The following FSTL5 variants were observed in gnomAD, a reference collection of about 807,000 sequenced individuals.
The protein encoded by FSTL5 is follistatin like 5.
FSTL5 carries 62 observed loss-of-function variants against 89.1 expected under a neutral mutation model. The observed-to-expected ratio is 0.70, with a 90% CI of 0.57 to 0.86. The LOEUF is 0.86. FSTL5 is among the 40% of genes least tolerant of loss of function. The pLI is 0.00. For missense variants in FSTL5, 1,057 were observed against 1,001.6 expected, an observed-to-expected ratio of 1.06 and a Z score of -0.75; for synonymous variants, 383 against 346.2, an observed-to-expected ratio of 1.11 and a Z score of -1.18.
At chr4:161,672,932 T>G (rs1054241724) in intron 6 of FSTL5, among the ~76,000 whole-genome samples, 1 of 152,020 alleles carries the variant, frequency 6.6e-6, no homozygotes. Context: ...ATAATTTTTT[T>G]AAAATATCAC....
At chr4:161,981,435 T>C (rs1437754258) in intron 3 of FSTL5, among the ~76,000 whole-genome samples, 1 of 152,210 alleles carries the variant, frequency 6.6e-6, no homozygotes, top group Admixed American at 6.5e-5. Context: ...TTTTTTGATA[T>C]GCTGCAACCA....
At chr4:161,499,611 C>T (rs1284881533) in intron 12 of FSTL5, among the ~76,000 whole-genome samples, 1 of 152,110 alleles carries the variant, frequency 6.6e-6, no homozygotes, top group East Asian at 1.9e-4. Context: ...AGTGGTTTTA[C>T]ATTTATAAAG....
chr4:161,921,100 G>A (rs934576177), intron 3 of FSTL5, among the ~76,000 whole-genome samples: 2 of 152,102 alleles, frequency 1.3e-5, no homozygotes, highest in Non-Finnish European at 2.9e-5. Flanking sequence ...CACATCCTTG[G>A]CACATGATAG....
intron 2 of FSTL5, among the ~76,000 whole-genome samples, chr4:162,073,632 A>C (rs1478528220): frequency 2.0e-5 from 3 of 151,816 alleles, no homozygotes; most frequent in Non-Finnish European, 4.4e-5. Context: ...AAGTATAAAA[A>C]ATATCTATTG....
At position 161,384,972 on chromosome 4, in the gene FSTL5, C is replaced by T. The variant is rs574929873; in HGVS notation, c.*775G>A. On this transcript the variant is annotated 3_prime_UTR_variant, in exon 16 of 16. Transcript: ENST00000306100. ...ACTTGCATTAAAAACATAATGCACT[C>T]TAGTGATTGAAAGCAAAATGAGTAG... 8.5e-5 allele frequency: 13 copies of T among 152,202 alleles called. No individual in the cohort carries two copies. The East Asian group carries it at 2.3e-3, about 27-fold the overall frequency. The allele number at this position is 152,202 out of a possible 1,614,324, so 9.4% of individuals were successfully genotyped here.
chr4:161,902,765 C>T (rs554989676), intron 4 of FSTL5, among the ~76,000 whole-genome samples: 4 of 152,172 alleles, frequency 2.6e-5, no homozygotes, highest in Non-Finnish European at 5.9e-5. Flanking sequence ...AGGAGAATGG[C>T]GTGAACCCGG....
At chr4:161,964,665 A>G (rs1735273451) in intron 3 of FSTL5, among the ~76,000 whole-genome samples, 2 of 151,998 alleles carry the variant, frequency 1.3e-5, no homozygotes, top group African/African-American at 4.8e-5. Flanking sequence ...TCTTTCATGA[A>G]AACAGGTCGT....
intron 4 of FSTL5, among the ~76,000 whole-genome samples, chr4:161,840,169 A>C (rs1334450526): frequency 6.6e-6 from 1 of 152,014 alleles, no homozygotes; most frequent in Non-Finnish European, 1.5e-5. Flanking sequence ...TTTGGCAGAT[A>C]TGGCTGATCT....
At chr4:161,511,020 G>A (rs1396302416) in intron 10 of FSTL5, among the ~76,000 whole-genome samples, 23 of 151,918 alleles carry the variant, frequency 1.5e-4, no homozygotes, top group Admixed American at 1.5e-3. Context: ...TGAACCACAG[G>A]TTTTAAAAAT....
At chr4:161,461,292 AAAAACAAACAAAC>A (rs1733566740) in intron 13 of FSTL5, among the ~76,000 whole-genome samples, 1 of 127,512 alleles carries the variant, frequency 7.8e-6, no homozygotes, top group Admixed American at 8.3e-5. Flanking sequence ...AAAATACAAA[AAAAACAAACAAAC>A]AAAAAAATTA....
At chr4:161,864,890 AG>A (rs1206588826) in intron 4 of FSTL5, among the ~76,000 whole-genome samples, 71 of 141,388 alleles carry the variant, frequency 5.0e-4, no homozygotes, top group African/African-American at 1.8e-3. Flanking sequence ...AAAAAAAAAA[AG>A]CATTAATGGT....
chr4:161,988,073 A>AC (rs1736016249), intron 3 of FSTL5, among the ~76,000 whole-genome samples: 1 of 151,822 alleles, frequency 6.6e-6, no homozygotes, highest in African/African-American at 2.4e-5. Flanking sequence ...ACTAAAAAAA[A>AC]AACAGAGAAA....
At chr4:161,949,404 A>G (rs1358125462) in intron 3 of FSTL5, among the ~76,000 whole-genome samples, 1 of 152,028 alleles carries the variant, frequency 6.6e-6, no homozygotes, top group Non-Finnish European at 1.5e-5. Flanking sequence ...TCTTCTCTTT[A>G]TCTTTGATTT....
At chr4:161,406,923 A>C (rs1466281441) in intron 15 of FSTL5, among the ~76,000 whole-genome samples, 4 of 152,162 alleles carry the variant, frequency 2.6e-5, no homozygotes, top group Admixed American at 6.5e-5. Context: ...ACAAGTACGT[A>C]ACTGCCTATT....
chr4:161,731,671 G>A (rs1407086297), intron 6 of FSTL5, among the ~76,000 whole-genome samples: 1 of 151,730 alleles, frequency 6.6e-6, no homozygotes, highest in African/African-American at 2.4e-5. Flanking sequence ...TATGAGAATA[G>A]ACTAATGAAA....
At chr4:162,025,219 T>C (rs1210864078) in intron 3 of FSTL5, among the ~76,000 whole-genome samples, 2 of 152,144 alleles carry the variant, frequency 1.3e-5, no homozygotes, top group African/African-American at 4.8e-5. Context: ...AATATGTGAA[T>C]TGTAACTTAT....
At chr4:161,667,034 C>T (rs1280406181) in intron 6 of FSTL5, among the ~76,000 whole-genome samples, 1 of 151,958 alleles carries the variant, frequency 6.6e-6, no homozygotes, top group Non-Finnish European at 1.5e-5. Flanking sequence ...ATACTAAAGA[C>T]AGTACAATAC....
chr4:161,973,606 TAC>T (rs1434414552), intron 3 of FSTL5, among the ~76,000 whole-genome samples: 3 of 152,216 alleles, frequency 2.0e-5, no homozygotes, highest in Non-Finnish European at 4.4e-5. Context: ...TTATGCCTGT[TAC>T]AGAGTGTTTT....
intron 14 of FSTL5, among the ~76,000 whole-genome samples, chr4:161,458,508 T>G (rs2126407951): frequency 6.6e-6 from 1 of 152,300 alleles, no homozygotes; most frequent in Non-Finnish European, 1.5e-5. Context: ...TAAAAGAATT[T>G]ATTTTAAAAT....
Sources: allele counts gnomAD v4.1 joint callset (sites outside exome capture counted in the v4.1 genomes callset), GRCh38; gene constraint gnomAD v4.1.1; transcripts MANE v1.5; gene names NCBI Gene and HGNC (gene_info 2026-07-23, HGNC 2026-07-21).